Variants in NF1 observed in about 807,000 individuals in gnomAD.
NF1 encodes neurofibromin.
In NF1, 122 loss-of-function variants were observed where a neutral mutation model predicts 325.7. The ratio of observed to expected loss-of-function variants is 0.37; its 90% confidence interval spans 0.32 to 0.44. NF1 has a LOEUF of 0.44. Ranked by LOEUF, NF1 falls within the 20% of genes least tolerant of loss-of-function variation. The pLI is 1.00. For synonymous variants in NF1, 1,091 were observed against 1,186.0 expected (o/e 0.92, Z 1.65); for missense variants, 2,140 against 3,415.4 (o/e 0.63, Z 9.31).
chr17:31,119,461 G>T (rs535041247), intron 1 of NF1, among the ~76,000 whole-genome samples: 184 of 144,948 alleles, frequency 1.3e-3, no homozygotes, highest in Middle Eastern at 3.5e-3. Context: ...TTTTTGATGG[G>T]TTTTTTTTTT....
chr17:31,163,672 T>G (rs967712136), intron 4 of NF1, among the ~76,000 whole-genome samples: 1 of 152,218 alleles, frequency 6.6e-6, no homozygotes, highest in Non-Finnish European at 1.5e-5. Context: ...AGCACTGTTA[T>G]GAATGTGAAA....
At position 31,356,991 on chromosome 17, in the gene NF1, C is replaced by T. The variant is rs1060503906; in HGVS notation, c.7770C>T (p.His2590=). The T allele has an allele frequency of 1.9e-6, 3 of 1,613,932 alleles. No homozygotes were observed. Among genetic ancestry groups the T allele is most frequent in the Middle Eastern group, 1.6e-4 (1 of 6,062 alleles). ...AGAGGATTTCCTCATCACAACAGCA[C>T]CCACATTTACGTAAAGTTTCAGTGT... ...ETQRISSSQQ[H]PHLRKVSVSE... is the part of the protein sequence containing the mutation. Residue 2590 remains histidine (H), a synonymous_variant, in exon 53 of 58, where the codon CAC becomes CAT. Coordinates refer to ENST00000358273, the MANE Select transcript of NF1 (RefSeq NM_001042492.3).
chr17:31,182,237 A>T (rs1388162733), intron 7 of NF1, among the ~76,000 whole-genome samples: 1 of 152,210 alleles, frequency 6.6e-6, no homozygotes, highest in African/African-American at 2.4e-5. Flanking sequence ...CACACTTTGC[A>T]TAAGGCCCTT....
At chr17:31,210,979 C>A (rs1273509123) in intron 12 of NF1, among the ~76,000 whole-genome samples, 1 of 152,118 alleles carries the variant, frequency 6.6e-6, no homozygotes, top group African/African-American at 2.4e-5. Context: ...TTCAAAACTG[C>A]CAATAACAGA....
At chr17:31,236,201 G>A (rs76889444) in intron 29 of NF1, among the ~76,000 whole-genome samples, 180 bp downstream of exon 29, 2 of 151,526 alleles carry the variant, frequency 1.3e-5, no homozygotes, top group South Asian at 2.1e-4. Context: ...TTTTTTTAAG[G>A]TATCCTTTTA....
rs2067090218 is a variant in NF1, at chr17:31,230,264, G to A, written c.2995G>A (p.Val999Ile). ...ETMMLNLVRY[V>I]RVLGNMVHAI... ...ATTGTTTCTATGTCTATATAGGTAT[G>A]TTCGTGTGCTTGGGAATATGGTCCA... Residue 999 changes from valine (V) to isoleucine (I), a missense_variant, in exon 23 of 58, where the codon GTT (valine) becomes ATT (isoleucine). By Grantham distance (29) the Val-to-Ile change is conservative. Transcript: ENST00000358273. 2 of 1,613,046 alleles carry A rather than the reference G, an allele frequency of 1.2e-6. No individual in the cohort carries two copies. Among genetic ancestry groups the A allele is most frequent in the Admixed American group, 1.7e-5 (1 of 59,970 alleles).
intron 47 of NF1, 50 bp from the exon 48 acceptor site, chr17:31,342,959 G>A (rs2069862753): frequency 6.2e-7 from 1 of 1,610,596 alleles, no homozygotes; most frequent in East Asian, 2.2e-5. Context: ...AGCCTTTAAA[G>A]AAAGCTACTG....
intron 57 of NF1, among the ~76,000 whole-genome samples, chr17:31,368,192 A>G (rs1274042107): frequency 6.6e-6 from 1 of 152,176 alleles, no homozygotes; most frequent in South Asian, 2.1e-4. Flanking sequence ...GCTGGAGTAC[A>G]GTGGTGTGAT....
chr17:31,236,067 T>TGTTTG (rs56874702), intron 29 of NF1, 46 bp downstream of exon 29: 8 of 1,465,142 alleles, frequency 5.5e-6, no homozygotes, highest in African/African-American at 2.8e-5. Context: ...GTTTTTTTTT[T>TGTTTG]TTTGTTTGTT....
rs1303980914 is a variant in NF1, at chr17:31,295,487, C to T, written c.4835+30148C>T. On this transcript the variant is annotated intron_variant, in intron 36 of 57. Transcript: ENST00000358273. Reference sequence around the variant, plus strand: ...GTTAATGGTGTCCACTGTCTGCATCCCACTTACAGTGAATAAGCTTGAGGT... The same window carrying T: ...GTTAATGGTGTCCACTGTCTGCATCTCACTTACAGTGAATAAGCTTGAGGT... The T allele has an allele frequency of 5.0e-6, 8 of 1,614,090 alleles. No homozygotes were observed. In the East Asian group the frequency reaches 1.8e-4, roughly 36 times the overall value.
intron 35 of NF1, among the ~76,000 whole-genome samples, chr17:31,263,120 T>TAAGATAAGATAAGATA (rs1555619189): frequency 3.1e-4 from 30 of 95,768 alleles, no homozygotes; most frequent in African/African-American, 7.9e-4. Flanking sequence ...GATAGATAGA[T>TAAGATAAGATAAGATA]AGATAAGATA....
chr17:31,202,254 C>A (rs567652663), intron 11 of NF1, among the ~76,000 whole-genome samples: 1 of 152,122 alleles, frequency 6.6e-6, no homozygotes, highest in Admixed American at 6.5e-5. Context: ...AAATGATACT[C>A]ACATTTATGG....
intron 5 of NF1, among the ~76,000 whole-genome samples, chr17:31,175,105 C>T (rs1447262437): frequency 5.7e-5 from 2 of 34,796 alleles, no homozygotes; most frequent in Non-Finnish European, 1.3e-4. Flanking sequence ...AAGACTCCAT[C>T]TCAAAAAAAA....
chr17:31,362,203 C>A, intron 57 of NF1: 1 of 520,796 alleles, frequency 1.9e-6, no homozygotes, highest in Admixed American at 6.4e-5. Flanking sequence ...GAAGCACTGC[C>A]CTGGGGTCTG....
rs748843392 is a variant in NF1, at chr17:31,352,408, T to G, written c.7609T>G (p.Leu2537Val). The G allele has an allele frequency of 6.2e-7, 1 of 1,609,968 alleles. No homozygotes were observed. Among genetic ancestry groups the G allele is most frequent in the Non-Finnish European group, 8.5e-7 (1 of 1,178,062 alleles). The stretch of plus-strand genomic sequence containing the variant: ...ACCTTCTCAGGCCAACACTAAGAAG[T>G]TGCTTGGTTAGTTTATCTAAATTAT... ...GQPSQANTKK[L>V]LGTRKSFDHL... Residue 2537 changes from leucine to valine, a missense_variant, in exon 51 of 58, where the codon TTG becomes GTG. By Grantham distance (32) the Leu-to-Val change is conservative. Coordinates refer to ENST00000358273, the MANE Select transcript of NF1 (RefSeq NM_001042492.3).
chr17:31,134,195 A>G (rs1280051526), intron 1 of NF1, among the ~76,000 whole-genome samples: 1 of 152,198 alleles, frequency 6.6e-6, no homozygotes, highest in African/African-American at 2.4e-5. Context: ...TCTGACTTTT[A>G]GAGTTATATT....
intron 36 of NF1, among the ~76,000 whole-genome samples, chr17:31,325,361 A>G (rs1301084109): frequency 6.6e-6 from 1 of 152,220 alleles, no homozygotes; most frequent in Admixed American, 6.5e-5. Context: ...AAGCTAAACT[A>G]CCTGAACTGG....
At chr17:31,109,990 C>G (rs537843140) in intron 1 of NF1, among the ~76,000 whole-genome samples, 1 of 152,048 alleles carries the variant, frequency 6.6e-6, no homozygotes, top group South Asian at 2.1e-4. Flanking sequence ...GGTGCAGGCA[C>G]GCTAGTTTCT....
chr17:31,161,028 T>C (rs1351681254), intron 3 of NF1, among the ~76,000 whole-genome samples: 1 of 152,242 alleles, frequency 6.6e-6, no homozygotes. Flanking sequence ...CAGATGTTTC[T>C]TGATTCTTAC....
Sources: allele counts gnomAD v4.1 joint callset (sites outside exome capture counted in the v4.1 genomes callset), GRCh38; gene constraint gnomAD v4.1.1; transcripts MANE v1.5; gene names NCBI Gene and HGNC (gene_info 2026-07-23, HGNC 2026-07-21).